The following SLC6A2 variants were observed in gnomAD, a reference collection of about 807,000 sequenced individuals.
The protein encoded by SLC6A2 is sodium-dependent noradrenaline transporter.
In SLC6A2, 26 loss-of-function variants were observed where a neutral mutation model predicts 71.7. That is an observed-to-expected ratio of 0.36 (90% CI 0.27 to 0.50). The LOEUF (loss-of-function observed/expected upper bound fraction) is 0.50. SLC6A2 is among the 20% of genes least tolerant of loss of function. The probability of loss-of-function intolerance (pLI) is 0.96; values close to 1 mark genes in which losing one functional copy is unlikely to be tolerated. For synonymous variants in SLC6A2, 363 were observed against 337.9 expected, an observed-to-expected ratio of 1.07 and a Z score of -0.82; for missense variants, 581 against 803.9, an observed-to-expected ratio of 0.72 and a Z score of 3.35.
Position 55,656,929 on chromosome 16 carries a change from G to A in SLC6A2, c.235G>A (p.Val79Met). ...CGGCTTCGCAGTGGACCTGGCCAACGTGTGGCGCTTCCCCTACCTCTGCTA... is the reference window on the plus strand; with the variant it reads ...CGGCTTCGCAGTGGACCTGGCCAACATGTGGCGCTTCCCCTACCTCTGCTA... ...VVGFAVDLAN[V>M]WRFPYLCYKN... Residue 79 changes from valine (V) to methionine (M), a missense_variant, in exon 2 of 15, where the codon GTG becomes ATG. Around this residue, in one of 5 missense-constraint regions of SLC6A2, gnomAD observed 81 missense variants for 152.4 expected, o/e 0.53. Transcript: ENST00000568943. The surrounding 1 kb of genome is among the most constrained non-coding windows in gnomAD (Gnocchi z 4.5). 1.9e-6 allele frequency: 3 copies of A among 1,613,940 alleles called. No individual in the cohort carries two copies. Among genetic ancestry groups the A allele is most frequent in the Non-Finnish European group, 2.5e-6 (3 of 1,179,894 alleles).
intron 6 of SLC6A2, among the ~76,000 whole-genome samples, chr16:55,692,379 C>G (rs901947111): frequency 6.6e-6 from 1 of 152,140 alleles, no homozygotes; most frequent in Non-Finnish European, 1.5e-5. Flanking sequence ...GCCCACAGCT[C>G]CCTAGTCCAC....
At chr16:55,666,367 G>T (rs548377207) in intron 2 of SLC6A2, among the ~76,000 whole-genome samples, 1 of 152,168 alleles carries the variant, frequency 6.6e-6, no homozygotes, top group East Asian at 1.9e-4. Flanking sequence ...GGCAACTTCA[G>T]TTGACTTCAC....
At position 55,704,401 on chromosome 16, in the gene SLC6A2, C is replaced by T. The variant is rs1966058158; in HGVS notation, c.*2055C>T. ...CAGCCCAGATTATTTTGAATATTCC[C>T]TGCACAATAGGGTTCACCCCACCCA... is the stretch of plus-strand genomic sequence containing the variant. On this transcript the variant is annotated 3_prime_UTR_variant, in exon 15 of 15. Coordinates refer to ENST00000568943, the MANE Select transcript of SLC6A2 (RefSeq NM_001172501.3). 1 of 152,172 alleles carries T rather than the reference C, an allele frequency of 6.6e-6. No homozygotes were observed. The highest frequency in any genetic ancestry group is 6.5e-5 in the Admixed American group (1 of 15,278). 9.4% of individuals were successfully genotyped at this position (152,172 alleles called of 1,614,324 possible). A position where few individuals can be genotyped will look rare whatever the true frequency, so the allele number is the denominator to read the frequency against.
At chr16:55,664,425 C>T (rs1964692973) in intron 2 of SLC6A2, among the ~76,000 whole-genome samples, 1 of 152,230 alleles carries the variant, frequency 6.6e-6, no homozygotes, top group African/African-American at 2.4e-5. Flanking sequence ...GGGACAGGGA[C>T]TTGGGGATCC....
chr16:55,674,974 G>A (rs1479683870), intron 4 of SLC6A2, among the ~76,000 whole-genome samples: 1 of 152,162 alleles, frequency 6.6e-6, no homozygotes, highest in Admixed American at 6.5e-5. Flanking sequence ...CACCAACAGT[G>A]TATAAGCATT....
At chr16:55,700,378 C>A (rs546653087) in intron 13 of SLC6A2, 72 bp downstream of exon 13, 1 of 1,351,564 alleles carries the variant, frequency 7.4e-7, no homozygotes, top group Non-Finnish European at 1.0e-6. Context: ...ACTCTCATTC[C>A]TGTTGGGGTG....
intron 4 of SLC6A2, among the ~76,000 whole-genome samples, chr16:55,676,719 A>G (rs1455309841): frequency 5.9e-5 from 9 of 152,238 alleles, no homozygotes. Context: ...CATAGTTCAA[A>G]GCACCCTTTC....
intron 5 of SLC6A2, among the ~76,000 whole-genome samples, chr16:55,689,932 C>A (rs190389367): frequency 9.2e-5 from 14 of 152,314 alleles, no homozygotes; most frequent in Non-Finnish European, 1.9e-4. Context: ...GAAGATGTGA[C>A]TACCACTATG....
At chr16:55,657,855 C>T (rs368614373) in intron 2 of SLC6A2, among the ~76,000 whole-genome samples, 7 of 152,174 alleles carry the variant, frequency 4.6e-5, no homozygotes, top group African/African-American at 1.4e-4. Context: ...GCCAGGGAAG[C>T]GGTCTGGAAG....
intron 5 of SLC6A2, among the ~76,000 whole-genome samples, chr16:55,689,271 C>T (rs1290117615): frequency 1.3e-5 from 2 of 152,218 alleles, no homozygotes; most frequent in African/African-American, 4.8e-5. Flanking sequence ...GCTGAAGTAA[C>T]ACCCACTGCC....
In SLC6A2 at chr16:55,656,988, G is replaced by A; in HGVS notation, c.274+20G>A. On this transcript the variant is annotated intron_variant, in intron 2 of 14. Transcript: ENST00000568943. This position sits in a 1 kb window ranked among gnomAD's most constrained non-coding sequence, Gnocchi z 4.5. ...GCGGCGGTGAGCGTGGGGTCGGGCT[G>A]GGAATTTGAATCTGGGAGGTCCACT... 6.2e-7 allele frequency: 1 copy of A among 1,611,282 alleles called. No individual in the cohort carries two copies. The highest frequency in any genetic ancestry group is 8.5e-7 in the Non-Finnish European group (1 of 1,178,740).
In SLC6A2 at chr16:55,685,161, T is replaced by C; in HGVS notation, c.663T>C (p.Leu221=). The change falls in exon 5 of 15, where the codon CTT becomes CTC. Residue 221 remains leucine (L), a synonymous_variant. Transcript: ENST00000568943. ...TGGGCAGGCGTGGTGTCCTGCACCT[T>C]CACGAGAGCAGCGGGATTCATGACA... ...AEFYERGVLH[L]HESSGIHDIG... 6.2e-7 allele frequency: 1 copy of C among 1,614,188 alleles called. No homozygotes were observed. The highest frequency in any genetic ancestry group is 2.2e-5 in the East Asian group (1 of 44,872).
intron 4 of SLC6A2, among the ~76,000 whole-genome samples, chr16:55,679,133 T>C (rs946085225): frequency 6.6e-6 from 1 of 152,186 alleles, no homozygotes; most frequent in Admixed American, 6.5e-5. Flanking sequence ...CAAATGACAA[T>C]TGACACAATT....
chr16:55,698,240 A>C (rs545180674), intron 10 of SLC6A2, among the ~76,000 whole-genome samples: 1 of 152,216 alleles, frequency 6.6e-6, no homozygotes, highest in East Asian at 1.9e-4. Flanking sequence ...TTAATTGCTT[A>C]TTGACTTGAG....
At chr16:55,662,920 A>G (rs1200782358) in intron 2 of SLC6A2, among the ~76,000 whole-genome samples, 2 of 152,194 alleles carry the variant, frequency 1.3e-5, no homozygotes, top group African/African-American at 2.4e-5. Context: ...CAAGTAATCA[A>G]GTCTGCAGCA....
intron 7 of SLC6A2, among the ~76,000 whole-genome samples, chr16:55,695,044 T>G (rs1965751825): frequency 6.6e-6 from 1 of 152,192 alleles, no homozygotes; most frequent in African/African-American, 2.4e-5. Context: ...AGCTGGTGAC[T>G]CAATTCCCTG....
At chr16:55,660,201 G>A (rs1964573389) in intron 2 of SLC6A2, among the ~76,000 whole-genome samples, 1 of 152,138 alleles carries the variant, frequency 6.6e-6, no homozygotes, top group Non-Finnish European at 1.5e-5. Flanking sequence ...AATGTACATG[G>A]AATCATCTCA....
At chr16:55,661,511 A>G (rs553900572) in intron 2 of SLC6A2, among the ~76,000 whole-genome samples, 59 of 152,310 alleles carry the variant, frequency 3.9e-4, no homozygotes, top group Middle Eastern at 6.8e-3. Flanking sequence ...TGTAGTCATT[A>G]GTATTTTGTT....
At chr16:55,670,848 G>A (rs570013795) in intron 3 of SLC6A2, among the ~76,000 whole-genome samples, 1 of 152,192 alleles carries the variant, frequency 6.6e-6, no homozygotes, top group Non-Finnish European at 1.5e-5. Flanking sequence ...TACATCTTGC[G>A]ATGGAGGAAG....
Sources: gnomAD v4.1 joint callset for allele counts (sites outside exome capture counted in the v4.1 genomes callset) on GRCh38, gnomAD v4.1.1 for gene constraint, gnomAD v4.1.1 regional missense constraint, Gnocchi (gnomAD v3.1) non-coding constraint, MANE v1.5 for transcripts, NCBI Gene and HGNC (gene_info 2026-07-23, HGNC 2026-07-21) for gene names.